PAQR9: variants seen among roughly 807,000 people sequenced by gnomAD.
The protein encoded by PAQR9 is membrane progestin receptor epsilon.
PAQR9 carries 12 observed loss-of-function variants against 24.0 expected under a neutral mutation model. The observed-to-expected ratio is 0.50, with a 90% CI of 0.32 to 0.81. PAQR9 has a LOEUF of 0.81. Ranked by LOEUF, PAQR9 falls within the 30% of genes least tolerant of loss-of-function variation. The pLI, the probability that PAQR9 is intolerant of heterozygous loss-of-function variation, is 0.03. For synonymous variants in PAQR9, 266 were observed against 237.6 expected, an observed-to-expected ratio of 1.12 and a Z score of -1.10; for missense variants, 418 against 520.8, an observed-to-expected ratio of 0.80 and a Z score of 1.92.
Position 142,962,679 on chromosome 3 carries a change from G to A in PAQR9, c.658C>T (p.Leu220=), listed in dbSNP as rs1263128384. The A allele has an allele frequency of 1.2e-6, 2 of 1,612,530 alleles. No individual in the cohort carries two copies. The highest frequency in any genetic ancestry group is 2.7e-5 in the African/African-American group (2 of 75,070). Residue 220 remains leucine (L), a synonymous_variant, in exon 1 of 1, where the codon CTG becomes TTG. Transcript: ENST00000340634. ...CAGGCCACAGTGCAAGCCACCGCCA[G>A]CACGAAGGCCACAGGCAGCACCAGG... The part of the protein sequence containing the change: ...RALVLPVAFV[L]AVACTVACCK...
chr3:142,960,422 G>C lies in PAQR9; in HGVS notation c.*1781C>G, dbSNP rs1048580879. The C allele has an allele frequency of 6.6e-6, 1 of 152,352 alleles. No individual in the cohort carries two copies. The highest frequency in any genetic ancestry group is 1.5e-5 in the Non-Finnish European group (1 of 68,114). 9.4% of individuals were successfully genotyped at this position (152,352 alleles called of 1,614,324 possible). ...TCATCCTGCCCAAGACCTTCAACTAGGCAGTGGAGATCAAGCCCAAGATAA... is the reference window on the plus strand; with the variant it reads ...TCATCCTGCCCAAGACCTTCAACTACGCAGTGGAGATCAAGCCCAAGATAA... On this transcript the variant is annotated 3_prime_UTR_variant, in exon 1 of 1. Transcript: ENST00000340634.
chr3:142,960,390 G>GTAAAA lies in PAQR9; in HGVS notation c.*1812_*1813insTTTTA, dbSNP rs1934869633. The GTAAAA allele has an allele frequency of 6.6e-6, 1 of 152,224 alleles. No individual in the cohort carries two copies. Among genetic ancestry groups the GTAAAA allele is most frequent in the African/African-American group, 2.4e-5 (1 of 41,420 alleles). The allele number at this position is 152,224 out of a possible 1,614,324, so 9.4% of individuals were successfully genotyped here. A position where few individuals can be genotyped will look rare whatever the true frequency, so the allele number is the denominator to read the frequency against. On this transcript the variant is annotated 3_prime_UTR_variant, in exon 1 of 1. Coordinates refer to ENST00000340634, the MANE Select transcript of PAQR9 (RefSeq NM_198504.4). ...TCATAAAATCAAGATGCACCTGTGG[G>GTAAAA]ACATGATCATCCTGCCCAAGACCTT...
Position 142,963,456 on chromosome 3 carries a change from G to C in PAQR9, c.-120C>G. ...TGCCCACGCCGGGGGCGTCGCTGCA[G>C]GTTTAGGAGAAGACCCGTGCCTCCG... is the stretch of plus-strand genomic sequence containing the variant. On this transcript the variant is annotated 5_prime_UTR_variant, in exon 1 of 1. Transcript: ENST00000340634. 1.9e-6 allele frequency: 2 copies of C among 1,044,984 alleles called. No homozygotes were observed. Among genetic ancestry groups the C allele is most frequent in the Non-Finnish European group, 2.3e-6 (2 of 871,220 alleles). The allele number at this position is 1,044,984 out of a possible 1,614,324, so 64.7% of individuals were successfully genotyped here.
At chr3:142,953,430 T>G (rs1008963085), downstream of PAQR9, among the ~76,000 whole-genome samples, 3 of 151,560 alleles carry the variant, frequency 2.0e-5, no homozygotes, top group Non-Finnish European at 4.4e-5. Context: ...AAAAGGAGAG[T>G]GTGTGCTAGC....
chr3:142,961,908 T>G lies in PAQR9; in HGVS notation c.*295A>C. On this transcript the variant is annotated 3_prime_UTR_variant, in exon 1 of 1. Coordinates refer to ENST00000340634, the MANE Select transcript of PAQR9 (RefSeq NM_198504.4). ...AACTCTTTGGGGCTTTATTTGGGAT[T>G]TTACTCACTGCCTTTGAGAAATCCC... is the stretch of plus-strand genomic sequence containing the variant. 2.6e-6 allele frequency: 1 copy of G among 391,182 alleles called. No homozygotes were observed. 24.2% of individuals were successfully genotyped at this position (391,182 alleles called of 1,614,324 possible). A position where few individuals can be genotyped will look rare whatever the true frequency, so the allele number is the denominator to read the frequency against.
At chr3:142,952,046 A>ACG (rs553075222), downstream of PAQR9, among the ~76,000 whole-genome samples, 30 of 116,664 alleles carry the variant, frequency 2.6e-4, no homozygotes, top group Non-Finnish European at 4.7e-4. Context: ...TGTGAAAAAG[A>ACG]AGGGGGGGGG....
In PAQR9 at chr3:142,954,696, C is replaced by T. The variant is rs3732743; in HGVS notation, c.*7507G>A. On this transcript the variant is annotated 3_prime_UTR_variant, in exon 1 of 1. Transcript: ENST00000340634. The stretch of plus-strand genomic sequence containing the variant: ...TCAAGACTGTAGGGAACAAATGTCT[C>T]AGGAAACCAAAATCATAGCAAATCA... 0.045 allele frequency among the ~76,000 whole-genome samples: 6,793 copies of T among 152,222 alleles called. 321 individuals are homozygous for T. Among genetic ancestry groups the T allele is most frequent in the East Asian group, 0.23 (1,189 of 5,182 alleles).
In PAQR9 at chr3:142,955,477, A is replaced by G. The variant is rs1018716020; in HGVS notation, c.*6726T>C. On this transcript the variant is annotated 3_prime_UTR_variant, in exon 1 of 1. Coordinates refer to ENST00000340634, the MANE Select transcript of PAQR9 (RefSeq NM_198504.4). ...AAAAAAAAAAAAAAAAAAAAAAAAA[A>G]GCAGCCACAGAATCCTCCCCCAGCC... Among the ~76,000 whole-genome samples the G allele has an allele frequency of 3.0e-4, 33 of 108,454 alleles. No individual in the cohort carries two copies. The highest frequency in any genetic ancestry group is 5.1e-4 in the Admixed American group (5 of 9,778). The allele number at this position is 108,454 out of a possible 152,430, so 71.2% of individuals were successfully genotyped here. A position where few individuals can be genotyped will look rare whatever the true frequency, so the allele number is the denominator to read the frequency against.
At position 142,962,439 on chromosome 3, in the gene PAQR9, G is replaced by A; in HGVS notation, c.898C>T (p.Gln300Ter). The change falls in exon 1 of 1, where the codon CAG becomes TAG. Residue 300 changes from glutamine to a stop codon, truncating the protein, a stop_gained. Transcript: ENST00000340634. LOFTEE classifies it high-confidence loss of function. Reference sequence around the variant, plus strand: ...CCGATAATGTCGAAAAGACCCGGCTGGATGCGCTCGGGGATCTTGCTCACG... The same window carrying A: ...CCGATAATGTCGAAAAGACCCGGCTAGATGCGCTCGGGGATCTTGCTCACG... ...FNVSKIPERI[Q>*]PGLFDIIGHS... 6.2e-7 allele frequency: 1 copy of A among 1,614,026 alleles called. No individual in the cohort carries two copies. Among genetic ancestry groups the A allele is most frequent in the Non-Finnish European group, 8.5e-7 (1 of 1,180,012 alleles).
Position 142,958,388 on chromosome 3 carries a change from C to T in PAQR9, c.*3815G>A, listed in dbSNP as rs565207805. ...ACACAGTTGAGCAGACAATGGTCTC[C>T]GCATTCTAATGCCAGTTTGAAAACT... On this transcript the variant is annotated 3_prime_UTR_variant, in exon 1 of 1. Coordinates refer to ENST00000340634, the MANE Select transcript of PAQR9 (RefSeq NM_198504.4). 1.3e-5 allele frequency among the ~76,000 whole-genome samples: 2 copies of T among 152,182 alleles called. No homozygotes were observed. Among genetic ancestry groups the T allele is most frequent in the South Asian group, 4.1e-4 (2 of 4,828 alleles).
At chr3:142,951,618 A>G, downstream of PAQR9, 1 of 437,452 alleles carries the variant, frequency 2.3e-6, no homozygotes, top group South Asian at 1.6e-5. Flanking sequence ...ACTCACTAGA[A>G]GAATTACAGG....
chr3:142,963,674 TG>T, upstream of PAQR9: 1 of 615,502 alleles, frequency 1.6e-6, no homozygotes, highest in Non-Finnish European at 2.0e-6. Context: ...CAGCGGTGAC[TG>T]GGCATCGCGC....
rs1934957081 is a variant in PAQR9 at position 142,963,441 on chromosome 3, G to C, written c.-105C>G. On this transcript the variant is annotated 5_prime_UTR_variant, in exon 1 of 1. Coordinates refer to ENST00000340634, the MANE Select transcript of PAQR9 (RefSeq NM_198504.4). ...CCGTCGGAGCCTTTGTGCCCACGCCGGGGGCGTCGCTGCAGGTTTAGGAGA... is the reference window on the plus strand; with the variant it reads ...CCGTCGGAGCCTTTGTGCCCACGCCCGGGGCGTCGCTGCAGGTTTAGGAGA... The C allele has an allele frequency of 5.7e-6, 6 of 1,049,208 alleles. No homozygotes were observed. Among genetic ancestry groups the C allele is most frequent in the African/African-American group, 1.7e-5 (1 of 58,626 alleles). The allele number at this position is 1,049,208 out of a possible 1,614,324, so 65.0% of individuals were successfully genotyped here.
rs1046080965 is a variant in PAQR9 at position 142,957,744 on chromosome 3, C to T, written c.*4459G>A. On this transcript the variant is annotated 3_prime_UTR_variant, in exon 1 of 1. Transcript: ENST00000340634. ...AAGTTTTTCAATTCTGTACATATGC[C>T]GACTATCCCCTCACTTGGATTGTAC... 3.3e-5 allele frequency among the ~76,000 whole-genome samples: 5 copies of T among 152,114 alleles called. No individual in the cohort carries two copies. The highest frequency in any genetic ancestry group is 6.5e-5 in the Admixed American group (1 of 15,280).
In PAQR9 at chr3:142,963,019, G is replaced by T; in HGVS notation, c.318C>A (p.Phe106Leu). Residue 106 changes from phenylalanine to leucine, a missense_variant, in exon 1 of 1, where the codon TTC becomes TTA. Physicochemically the swap from Phe to Leu is conservative, Grantham distance 22. Coordinates refer to ENST00000340634, the MANE Select transcript of PAQR9 (RefSeq NM_198504.4). ...GGAAGGGCACGTCGCCGCCGCTCAG[G>T]AAGAACAGACGGCAGAACTTGCTCA... is the stretch of plus-strand genomic sequence containing the variant. ...LFLSKFCRLF[F>L]LSGGDVPFHH... is the part of the protein sequence containing the mutation. The T allele has an allele frequency of 6.2e-7, 1 of 1,614,218 alleles. No homozygotes were observed. Among genetic ancestry groups the T allele is most frequent in the Non-Finnish European group, 8.5e-7 (1 of 1,180,022 alleles).
rs1934957495 is a variant in PAQR9, at chr3:142,963,453, G to T, written c.-117C>A. 9.6e-7 allele frequency: 1 copy of T among 1,045,582 alleles called. No homozygotes were observed. Among genetic ancestry groups the T allele is most frequent in the Non-Finnish European group, 1.1e-6 (1 of 871,660 alleles). The allele number at this position is 1,045,582 out of a possible 1,614,324, so 64.8% of individuals were successfully genotyped here. A position where few individuals can be genotyped will look rare whatever the true frequency, so the allele number is the denominator to read the frequency against. ...TTGTGCCCACGCCGGGGGCGTCGCT[G>T]CAGGTTTAGGAGAAGACCCGTGCCT... is the stretch of plus-strand genomic sequence containing the variant. On this transcript the variant is annotated 5_prime_UTR_variant, in exon 1 of 1. Transcript: ENST00000340634.
At chr3:142,949,669 T>C (rs904763988), downstream of PAQR9, 1 of 152,214 alleles carries the variant, frequency 6.6e-6, no homozygotes, top group Non-Finnish European at 1.5e-5. Flanking sequence ...GAAAAAAGTT[T>C]TTGGAGGTCA....
At chr3:142,953,391 T>C (rs1291446819), downstream of PAQR9, among the ~76,000 whole-genome samples, 1 of 152,106 alleles carries the variant, frequency 6.6e-6, no homozygotes, top group Non-Finnish European at 1.5e-5. Context: ...CAAATAAAAG[T>C]TGTATTACAT....
downstream of PAQR9, among the ~76,000 whole-genome samples, chr3:142,952,428 G>T (rs1934728819): frequency 6.6e-6 from 1 of 152,176 alleles, no homozygotes; most frequent in South Asian, 2.1e-4. Context: ...TAAAACGTGG[G>T]ACTGGCTCAG....
Sources: allele counts gnomAD v4.1 joint callset (sites outside exome capture counted in the v4.1 genomes callset), GRCh38; gene constraint gnomAD v4.1.1; transcripts MANE v1.5; gene names NCBI Gene and HGNC (gene_info 2026-07-23, HGNC 2026-07-21).